The following PRKN variants were observed in gnomAD, a reference collection of about 807,000 sequenced individuals.
PRKN encodes the protein parkin RBR E3 ubiquitin protein ligase, also known as E3 ubiquitin-protein ligase parkin.
Under a neutral mutation model 59.5 loss-of-function variants are expected in PRKN, and 56 were observed. That is an observed-to-expected ratio of 0.94 (90% CI 0.76 to 1.18). The LOEUF is 1.18. PRKN is among the 50% of genes most tolerant of loss of function. The probability of loss-of-function intolerance (pLI) is 0.00; values close to 1 mark genes in which losing one functional copy is unlikely to be tolerated. For missense variants in PRKN, 657 were observed against 596.4 expected (o/e 1.10, Z -1.06); for synonymous variants, 250 against 222.1 (o/e 1.13, Z -1.12).
chr6:161,657,592 T>C (rs1337731343), intron 7 of PRKN, among the ~76,000 whole-genome samples: 1 of 152,200 alleles, frequency 6.6e-6, no homozygotes, highest in East Asian at 1.9e-4. Flanking sequence ...ACATTCAACG[T>C]TGCAACAACC....
rs185397644 is a variant in PRKN, at chr6:162,462,813, G to A, written c.8-19340C>T. Among the ~76,000 whole-genome samples, 9 of 152,198 alleles carry A rather than the reference G, an allele frequency of 5.9e-5. No individual in the cohort carries two copies. In the East Asian group the frequency reaches 1.5e-3, roughly 26 times the overall value. ...GCAGTATGTTTAAAACTCATCTTTG[G>A]CTAGGTGCAGTGGCTCACGTCTGTA... On this transcript the variant is annotated intron_variant, in intron 1 of 11. Transcript: ENST00000366898.
intron 4 of PRKN, among the ~76,000 whole-genome samples, chr6:162,189,680 T>C (rs77195838): frequency 0.014 from 2,094 of 151,998 alleles, 56 homozygotes; most frequent in African/African-American, 0.048. Context: ...TTTTTGGTCA[T>C]ACTCCATTTA....
At chr6:162,175,496 A>C (rs971495250) in intron 4 of PRKN, among the ~76,000 whole-genome samples, 1 of 152,200 alleles carries the variant, frequency 6.6e-6, no homozygotes, top group African/African-American at 2.4e-5. Context: ...AATCATAGCT[A>C]AAAACAAATC....
chr6:162,671,921 G>A (rs1779337285), intron 1 of PRKN, among the ~76,000 whole-genome samples: 1 of 152,090 alleles, frequency 6.6e-6, no homozygotes, highest in Non-Finnish European at 1.5e-5. Flanking sequence ...AGGAAGACAG[G>A]TGACGGAGGC....
chr6:161,870,584 A>T (rs918122039), intron 6 of PRKN, among the ~76,000 whole-genome samples: 3 of 152,172 alleles, frequency 2.0e-5, no homozygotes, highest in African/African-American at 4.8e-5. Context: ...ACTAAAAAAA[A>T]TTTTTAATGT....
intron 1 of PRKN, among the ~76,000 whole-genome samples, chr6:162,666,258 G>C (rs1779099497): frequency 6.6e-6 from 1 of 152,084 alleles, no homozygotes; most frequent in African/African-American, 2.4e-5. Flanking sequence ...TTATAAGTCT[G>C]AGGATCATTA....
chr6:161,950,161 A>G (rs1386584273), intron 6 of PRKN, among the ~76,000 whole-genome samples: 1 of 152,214 alleles, frequency 6.6e-6, no homozygotes, highest in East Asian at 1.9e-4. Flanking sequence ...CTTTTACAAA[A>G]TATTAGTGGA....
At chr6:161,829,008 C>T (rs868801176) in intron 6 of PRKN, among the ~76,000 whole-genome samples, 5 of 152,142 alleles carry the variant, frequency 3.3e-5, no homozygotes, top group Middle Eastern at 3.4e-3. Flanking sequence ...GGGTGGATCC[C>T]TTGAGGTCAG....
chr6:162,422,970 A>T (rs1291829914), intron 2 of PRKN, among the ~76,000 whole-genome samples: 1 of 151,518 alleles, frequency 6.6e-6, no homozygotes, highest in Non-Finnish European at 1.5e-5. Flanking sequence ...AAAAAAAAAA[A>T]AAAAAAAGCA....
At chr6:162,053,679 A>C (rs1167782707) in intron 5 of PRKN, among the ~76,000 whole-genome samples, 2 of 152,206 alleles carry the variant, frequency 1.3e-5, no homozygotes, top group African/African-American at 4.8e-5. Flanking sequence ...TAAAGCAGAA[A>C]AAAAAATCAA....
chr6:161,428,540 C>T lies in PRKN; in HGVS notation c.1084-41663G>A, dbSNP rs532457152. The stretch of plus-strand genomic sequence containing the variant: ...GCAGCCATAAAGGCCGTGGCACCTT[C>T]TTGCATCTCTAAGTGTGTGGCATTG... On this transcript the variant is annotated intron_variant, in intron 9 of 11. Transcript: ENST00000366898. The surrounding 1 kb of genome is among the most constrained non-coding windows in gnomAD (Gnocchi z 4.0). Among the ~76,000 whole-genome samples the T allele has an allele frequency of 1.4e-3, 207 of 152,312 alleles. No individual in the cohort carries two copies. The highest frequency in any genetic ancestry group is 4.9e-3 in the African/African-American group (204 of 41,572).
chr6:162,510,281 T>C (rs1777538075), intron 1 of PRKN, among the ~76,000 whole-genome samples: 1 of 152,220 alleles, frequency 6.6e-6, no homozygotes, highest in South Asian at 2.1e-4. Context: ...GAAATTCTGT[T>C]GGTTGAATAA....
At position 162,233,492 on chromosome 6, in the gene PRKN, A is replaced by G. The variant is rs75166571; in HGVS notation, c.412+29033T>C. On this transcript the variant is annotated intron_variant, in intron 3 of 11. Coordinates refer to ENST00000366898, the MANE Select transcript of PRKN (RefSeq NM_004562.3). Reference sequence around the variant, plus strand: ...AAAACTAATAGCCTCAGTTATGTTAATGGAAAGTGAAATACTGTGAAGCCA... The same window carrying G: ...AAAACTAATAGCCTCAGTTATGTTAGTGGAAAGTGAAATACTGTGAAGCCA... 1.6e-3 allele frequency among the ~76,000 whole-genome samples: 244 copies of G among 152,332 alleles called. 9 individuals carry two copies. The East Asian group carries it at 0.045, about 28-fold the overall frequency.
Position 162,727,687 on chromosome 6 carries a change from G to GGCTGCGGGCCAGGAACAGGCC in PRKN, c.-40_-20dup, listed in dbSNP as rs1405938610. ...CTATCATGGTCACTGGGTAGGTGGCGGCTGCGGGCCAGGAACAGGCCCATG... is the reference window on the plus strand; with the variant it reads ...CTATCATGGTCACTGGGTAGGTGGCGGCTGCGGGCCAGGAACAGGCCGCTGCGGGCCAGGAACAGGCCCATG... On this transcript the variant is annotated 5_prime_UTR_variant, in exon 1 of 12. Transcript: ENST00000366898. The GGCTGCGGGCCAGGAACAGGCC allele has an allele frequency of 6.4e-7, 1 of 1,572,608 alleles. No homozygotes were observed. The highest frequency in any genetic ancestry group is 8.6e-7 in the Non-Finnish European group (1 of 1,160,214).
chr6:161,794,619 C>A (rs1010501848), intron 6 of PRKN, among the ~76,000 whole-genome samples: 4 of 151,886 alleles, frequency 2.6e-5, no homozygotes, highest in African/African-American at 4.8e-5. Flanking sequence ...CTGGATTCAC[C>A]CTATGGAATG....
rs1027422442 is a variant in PRKN at position 161,578,897 on chromosome 6, A to G, written c.872-9481T>C. ...TCTTGGCGCTTTGCCTTCACCTTTG[A>G]ATTTCATAAAGTTCTTCCTTTGTTA... On this transcript the variant is annotated intron_variant, in intron 7 of 11. Coordinates refer to ENST00000366898, the MANE Select transcript of PRKN (RefSeq NM_004562.3). This position sits in a 1 kb window ranked among gnomAD's most constrained non-coding sequence, Gnocchi z 4.2. 2.0e-5 allele frequency among the ~76,000 whole-genome samples: 3 copies of G among 152,196 alleles called. No individual in the cohort carries two copies. The highest frequency in any genetic ancestry group is 4.8e-5 in the African/African-American group (2 of 41,450).
intron 7 of PRKN, among the ~76,000 whole-genome samples, chr6:161,769,587 A>G (rs909169268): frequency 6.6e-6 from 1 of 152,198 alleles, no homozygotes; most frequent in Non-Finnish European, 1.5e-5. Context: ...TCAAGGGTCC[A>G]TTACTGAGAC....
At chr6:161,924,632 A>G (rs1460435646) in intron 6 of PRKN, among the ~76,000 whole-genome samples, 1 of 152,234 alleles carries the variant, frequency 6.6e-6, no homozygotes, top group Non-Finnish European at 1.5e-5. Flanking sequence ...AGATAGGTTA[A>G]GAGCAGAAAA....
chr6:162,333,802 G>A (rs183241332), intron 2 of PRKN, among the ~76,000 whole-genome samples: 1 of 152,202 alleles, frequency 6.6e-6, no homozygotes, highest in Non-Finnish European at 1.5e-5. Flanking sequence ...AGGAAGGCAC[G>A]TTGAAAGCCA....
Sources: gnomAD v4.1 joint callset for allele counts (sites outside exome capture counted in the v4.1 genomes callset) on GRCh38, gnomAD v4.1.1 for gene constraint, Gnocchi (gnomAD v3.1) non-coding constraint, MANE v1.5 for transcripts, NCBI Gene and HGNC (gene_info 2026-07-23, HGNC 2026-07-21) for gene names.